The following SGCZ variants were observed in gnomAD, a reference collection of about 807,000 sequenced individuals.
SGCZ encodes the protein sarcoglycan zeta, also known as zeta-sarcoglycan.
In SGCZ, 40 loss-of-function variants were observed where a neutral mutation model predicts 41.3. The observed-to-expected ratio is 0.97, with a 90% CI of 0.75 to 1.26. SGCZ has a LOEUF of 1.26. SGCZ is among the 50% of genes most tolerant of loss of function. The pLI, the probability that SGCZ is intolerant of heterozygous loss-of-function variation, is 0.00. For synonymous variants in SGCZ, 206 were observed against 137.5 expected (o/e 1.50, Z -3.49); for missense variants, 552 against 369.8 (o/e 1.49, Z -4.04).
chr8:14,563,177 A>C (rs998487216), intron 1 of SGCZ, among the ~76,000 whole-genome samples: 1 of 152,146 alleles, frequency 6.6e-6, no homozygotes, highest in African/African-American at 2.4e-5. Context: ...CATTACCCCA[A>C]GCTTGCTCTG....
intron 1 of SGCZ, among the ~76,000 whole-genome samples, chr8:15,009,806 T>A (rs1802763179): frequency 6.6e-6 from 1 of 152,192 alleles, no homozygotes; most frequent in South Asian, 2.1e-4. Context: ...CTCATATGGA[T>A]AAGCCTCTGT....
chr8:14,676,912 G>T (rs547234318), intron 1 of SGCZ, among the ~76,000 whole-genome samples: 35 of 152,094 alleles, frequency 2.3e-4, no homozygotes, highest in Non-Finnish European at 4.4e-4. Flanking sequence ...ATAAGGTAAG[G>T]ATGCCTCTTC....
At chr8:14,111,304 A>G (rs1802364806) in intron 5 of SGCZ, among the ~76,000 whole-genome samples, 1 of 152,162 alleles carries the variant, frequency 6.6e-6, no homozygotes, top group African/African-American at 2.4e-5. Flanking sequence ...TTAGTAAGAC[A>G]TCATATACTT....
intron 2 of SGCZ, among the ~76,000 whole-genome samples, chr8:14,477,300 C>T (rs1362656450): frequency 6.6e-6 from 1 of 152,032 alleles, no homozygotes; most frequent in Non-Finnish European, 1.5e-5. Context: ...ACAGCAAAAC[C>T]CTTTAAAACC....
At chr8:14,332,782 G>C (rs1162264200) in intron 2 of SGCZ, 1 of 151,004 alleles carries the variant, frequency 6.6e-6, no homozygotes, top group African/African-American at 2.4e-5. Context: ...ATAAAATTTG[G>C]TTTGCAATAG....
chr8:14,912,533 G>A (rs933121567), intron 1 of SGCZ, among the ~76,000 whole-genome samples: 2 of 151,876 alleles, frequency 1.3e-5, no homozygotes, highest in Admixed American at 6.6e-5. Context: ...ATCAAATTAG[G>A]ACAACATAAG....
At chr8:14,135,426 T>C (rs990006048) in intron 5 of SGCZ, among the ~76,000 whole-genome samples, 3 of 152,236 alleles carry the variant, frequency 2.0e-5, no homozygotes, top group Non-Finnish European at 4.4e-5. Flanking sequence ...GAGAGTTATG[T>C]GGCTTTGAAG....
In SGCZ at chr8:14,938,523, T is replaced by C. The variant is rs578206602; in HGVS notation, c.39+299062A>G. On this transcript the variant is annotated intron_variant, in intron 1 of 7. Transcript: ENST00000382080. ...ATTTTCTTTTTACTAGCTTACTTTA[T>C]TATAAGAACACAGTATATAATATAC... is the stretch of plus-strand genomic sequence containing the variant. 1.9e-3 allele frequency among the ~76,000 whole-genome samples: 282 copies of C among 152,316 alleles called. 1 individual carries two copies. Among genetic ancestry groups the C allele is most frequent in the African/African-American group, 6.5e-3 (269 of 41,568 alleles).
At chr8:14,410,221 C>G (rs1350780880) in intron 2 of SGCZ, among the ~76,000 whole-genome samples, 1 of 152,082 alleles carries the variant, frequency 6.6e-6, no homozygotes, top group Non-Finnish European at 1.5e-5. Flanking sequence ...CCATTTCCCT[C>G]CTCCCTTTCC....
chr8:14,571,332 G>T (rs1193845502), intron 1 of SGCZ, among the ~76,000 whole-genome samples: 1 of 152,278 alleles, frequency 6.6e-6, no homozygotes, highest in East Asian at 1.9e-4. Flanking sequence ...GGGACACAGA[G>T]CCAAACCATA....
At position 15,035,883 on chromosome 8, in the gene SGCZ, C is replaced by T. The variant is rs527601541; in HGVS notation, c.39+201702G>A. ...AGAGGGATAGACTGTAACACATTAA[C>T]AGCATGAGAACTTTAATATTGCATT... On this transcript the variant is annotated intron_variant, in intron 1 of 7. Transcript: ENST00000382080. Among the ~76,000 whole-genome samples the T allele has an allele frequency of 6.6e-5, 10 of 152,144 alleles. No individual in the cohort carries two copies. The South Asian group carries it at 2.1e-3, about 32-fold the overall frequency.
intron 1 of SGCZ, among the ~76,000 whole-genome samples, chr8:15,175,010 A>G (rs1799955097): frequency 6.6e-6 from 1 of 151,946 alleles, no homozygotes; most frequent in Non-Finnish European, 1.5e-5. Context: ...GGGGCTTAAA[A>G]CCTAGATGAC....
chr8:15,132,486 AC>A (rs2116976491), intron 1 of SGCZ, among the ~76,000 whole-genome samples: 1 of 152,264 alleles, frequency 6.6e-6, no homozygotes, highest in East Asian at 1.9e-4. Context: ...ATGCATGAAA[AC>A]CAGTGGAAGG....
chr8:14,308,045 A>G lies in SGCZ; in HGVS notation c.336+16058T>C, dbSNP rs113163172. ...AAAGAACTTTCATACGATTCGGGGG[A>G]ACAATATCTTAGTAAATTAGGGATA... is the stretch of plus-strand genomic sequence containing the variant. On this transcript the variant is annotated intron_variant, in intron 3 of 7. Transcript: ENST00000382080. 1.4e-3 allele frequency among the ~76,000 whole-genome samples: 218 copies of G among 152,170 alleles called. 3 individuals carry two copies. The highest frequency in any genetic ancestry group is 5.0e-3 in the African/African-American group (209 of 41,532).
intron 4 of SGCZ, among the ~76,000 whole-genome samples, chr8:14,230,729 T>C (rs1401507021): frequency 6.7e-6 from 1 of 149,448 alleles, no homozygotes; most frequent in African/African-American, 2.4e-5. Context: ...TGAACATATA[T>C]TCTTGTCTTC....
At chr8:14,555,805 T>C (rs1019852673) in intron 1 of SGCZ, among the ~76,000 whole-genome samples, 1 of 152,050 alleles carries the variant, frequency 6.6e-6, no homozygotes, top group Non-Finnish European at 1.5e-5. Flanking sequence ...CAAGAACCTA[T>C]GAAAGAAAAT....
chr8:14,976,681 A>G (rs1801489086), intron 1 of SGCZ, among the ~76,000 whole-genome samples: 1 of 152,214 alleles, frequency 6.6e-6, no homozygotes, highest in Non-Finnish European at 1.5e-5. Flanking sequence ...AAAGCACAGC[A>G]TAGATACAGA....
At chr8:14,400,372 A>C (rs184920494) in intron 2 of SGCZ, among the ~76,000 whole-genome samples, 3 of 152,154 alleles carry the variant, frequency 2.0e-5, no homozygotes, top group Non-Finnish European at 4.4e-5. Flanking sequence ...TTTGGTAGAT[A>C]GAACATTTAC....
chr8:14,338,829 A>C (rs1165084833), intron 2 of SGCZ, among the ~76,000 whole-genome samples: 1 of 152,132 alleles, frequency 6.6e-6, no homozygotes, highest in East Asian at 1.9e-4. Context: ...TGTGTATGTA[A>C]GTGCCCTATG....
Sources: allele counts gnomAD v4.1 joint callset (sites outside exome capture counted in the v4.1 genomes callset), GRCh38; gene constraint gnomAD v4.1.1; transcripts MANE v1.5; gene names NCBI Gene and HGNC (gene_info 2026-07-23, HGNC 2026-07-21).